GUCY2C: variants seen among roughly 807,000 people sequenced by gnomAD.
The protein encoded by GUCY2C is guanylate cyclase 2C, also known as guanylyl cyclase C.
GUCY2C carries 118 observed loss-of-function variants against 131.1 expected under a neutral mutation model. That is an observed-to-expected ratio of 0.90 (90% CI 0.78 to 1.05). GUCY2C has a LOEUF of 1.05. Ranked by LOEUF, GUCY2C falls within the 50% of genes least tolerant of loss-of-function variation. The pLI is 0.00. For synonymous variants in GUCY2C, 452 were observed against 457.8 expected, an observed-to-expected ratio of 0.99 and a Z score of 0.16; for missense variants, 1,161 against 1,304.4, an observed-to-expected ratio of 0.89 and a Z score of 1.69.
rs765596721 is a variant in GUCY2C, at chr12:14,639,846, G to T, written c.2157+16C>A. The T allele has an allele frequency of 1.4e-6, 2 of 1,431,782 alleles. No homozygotes were observed. Among genetic ancestry groups the T allele is most frequent in the Non-Finnish European group, 2.0e-6 (2 of 1,013,714 alleles). The allele number at this position is 1,431,782 out of a possible 1,614,324, so 88.7% of individuals were successfully genotyped here. A position where few individuals can be genotyped will look rare whatever the true frequency, so the allele number is the denominator to read the frequency against. ...TATAGCAGGCCAAGGAAATGAATAC[G>T]GGAAGATATACTCACTTCTAGCTCT... On this transcript the variant is annotated intron_variant, in intron 19 of 26. Coordinates refer to ENST00000261170, the MANE Select transcript of GUCY2C (RefSeq NM_004963.4).
At chr12:14,645,371 G>A in intron 15 of GUCY2C, 56 bp from the exon 16 acceptor site, 2 of 835,396 alleles carry the variant, frequency 2.4e-6, no homozygotes, top group Non-Finnish European at 4.1e-6. Flanking sequence ...ATATTGTGGA[G>A]AGACTATTAT....
chr12:14,626,075 C>T (rs1592082862), intron 20 of GUCY2C, among the ~76,000 whole-genome samples, 160 bp from the exon 21 acceptor site: 1 of 152,228 alleles, frequency 6.6e-6, no homozygotes, highest in Non-Finnish European at 1.5e-5. Flanking sequence ...CACAGTGGCT[C>T]ATGCCTGTAA....
intron 9 of GUCY2C, among the ~76,000 whole-genome samples, chr12:14,671,363 C>T (rs1217218223): frequency 6.6e-6 from 1 of 152,140 alleles, no homozygotes; most frequent in Non-Finnish European, 1.5e-5. Context: ...GTCTCAAACT[C>T]TTGACCTCAA....
chr12:14,687,579 C>G (rs935230619), intron 2 of GUCY2C, among the ~76,000 whole-genome samples: 1 of 152,132 alleles, frequency 6.6e-6, no homozygotes, highest in East Asian at 1.9e-4. Flanking sequence ...ATGATTATGC[C>G]ACTGCACTCC....
Position 14,641,159 on chromosome 12 carries a change from T to G in GUCY2C, c.1991A>C (p.Tyr664Ser). ...CTCCTGTGCGATGATCCCATAGCTG[T>G]ACACATCTCCTTTCTGAGAGATGTT... ...QANISQKGDV[Y>S]SYGIIAQEII... The change falls in exon 18 of 27, where the codon TAC becomes TCC. Residue 664 changes from tyrosine (Y) to serine (S), a missense_variant. Transcript: ENST00000261170. 1 of 1,613,286 alleles carries G rather than the reference T, an allele frequency of 6.2e-7. No homozygotes were observed. The highest frequency in any genetic ancestry group is 1.3e-5 in the African/African-American group (1 of 75,012).
chr12:14,645,926 C>T (rs1274973005), intron 15 of GUCY2C, among the ~76,000 whole-genome samples: 7 of 151,844 alleles, frequency 4.6e-5, no homozygotes, highest in African/African-American at 9.7e-5. Context: ...ACCTGTGCCT[C>T]CGGGGTTCCA....
At chr12:14,674,806 T>C in intron 7 of GUCY2C, 46 bp from the exon 8 acceptor site, 4 of 1,469,518 alleles carry the variant, frequency 2.7e-6, no homozygotes, top group Non-Finnish European at 3.7e-6. Context: ...CAAAAAAGAA[T>C]CTTGTCTTGA....
chr12:14,663,534 T>C (rs1296834726), intron 10 of GUCY2C, among the ~76,000 whole-genome samples: 1 of 152,186 alleles, frequency 6.6e-6, no homozygotes, highest in African/African-American at 2.4e-5. Flanking sequence ...CAGCCCACCT[T>C]GGTCTCCCAA....
chr12:14,630,333 A>C (rs1425544430), intron 19 of GUCY2C, among the ~76,000 whole-genome samples: 1 of 152,108 alleles, frequency 6.6e-6, no homozygotes, highest in African/African-American at 2.4e-5. Flanking sequence ...ACCTTAGAGC[A>C]GAATAGGCAG....
At chr12:14,686,029 C>T in intron 3 of GUCY2C, 132 bp downstream of exon 3, 3 of 611,814 alleles carry the variant, frequency 4.9e-6, no homozygotes, top group Non-Finnish European at 8.8e-6. Context: ...AAGAGAATGA[C>T]AGTTATGGGG....
intron 17 of GUCY2C, among the ~76,000 whole-genome samples, chr12:14,641,810 G>A (rs1257039845): frequency 6.6e-5 from 10 of 151,794 alleles, no homozygotes; most frequent in East Asian, 1.9e-4. Context: ...GGTGGTGGGT[G>A]CCTGTAGTCC....
intron 21 of GUCY2C, among the ~76,000 whole-genome samples, chr12:14,623,663 C>G (rs1207247882): frequency 1.3e-5 from 2 of 152,170 alleles, no homozygotes; most frequent in Non-Finnish European, 2.9e-5. Context: ...ATTGTAATCC[C>G]CAATGTTAAG....
chr12:14,660,876 G>C, intron 11 of GUCY2C, 105 bp downstream of exon 11: 1 of 756,286 alleles, frequency 1.3e-6, no homozygotes, highest in Non-Finnish European at 2.4e-6. Context: ...CAGTCTGCAG[G>C]CTTCTTTGTG....
rs1946886029 is a variant in GUCY2C, at chr12:14,621,062, A to T, written c.2756T>A (p.Ile919Asn). Residue 919 changes from isoleucine (I) to asparagine (N), a missense_variant, in exon 23 of 27, where the codon ATT becomes AAT. Coordinates refer to ENST00000261170, the MANE Select transcript of GUCY2C (RefSeq NM_004963.4). ...LEHLPGLPIW[I>N]RIGVHSGPCA... Reference sequence around the variant, plus strand: ...CATACCAGAGTGAACTCCAATGCGAATCCATATTGGGAGGCCAGGAAGATG... The same window carrying T: ...CATACCAGAGTGAACTCCAATGCGATTCCATATTGGGAGGCCAGGAAGATG... The T allele has an allele frequency of 6.2e-7, 1 of 1,613,900 alleles. No homozygotes were observed. The highest frequency in any genetic ancestry group is 1.1e-5 in the South Asian group (1 of 91,070).
intron 15 of GUCY2C, among the ~76,000 whole-genome samples, chr12:14,647,947 C>CTTATTTATTTAT (rs148784736): frequency 6.8e-4 from 101 of 148,712 alleles, no homozygotes; most frequent in African/African-American, 1.8e-3. Flanking sequence ...CATCTTTTTA[C>CTTATTTATTTAT]TTATTTATTT....
At chr12:14,662,675 C>CAAAAAAAA (rs35153087) in intron 10 of GUCY2C, among the ~76,000 whole-genome samples, 2 of 72,098 alleles carry the variant, frequency 2.8e-5, no homozygotes, top group Non-Finnish European at 6.5e-5. Context: ...GACTCCGTCT[C>CAAAAAAAA]AAAAAAAAAA....
intron 24 of GUCY2C, among the ~76,000 whole-genome samples, chr12:14,618,862 G>C (rs1946833174): frequency 6.6e-6 from 1 of 152,030 alleles, no homozygotes; most frequent in Non-Finnish European, 1.5e-5. Flanking sequence ...GAACCAGAGT[G>C]TGTAGTTCTT....
chr12:14,686,425 A>G (rs572456085), intron 2 of GUCY2C, among the ~76,000 whole-genome samples, 200 bp from the exon 3 acceptor site: 1 of 152,270 alleles, frequency 6.6e-6, no homozygotes, highest in South Asian at 2.1e-4. Context: ...AAAACACACT[A>G]CAGGGAGGAA....
At chr12:14,621,307 G>A in intron 22 of GUCY2C, 91 bp from the exon 23 acceptor site, 1 of 1,162,892 alleles carries the variant, frequency 8.6e-7, no homozygotes, top group Non-Finnish European at 1.3e-6. Context: ...AACACAAAAA[G>A]TGATTTGGGA....
Sources: gnomAD v4.1 joint callset for allele counts (sites outside exome capture counted in the v4.1 genomes callset) on GRCh38, gnomAD v4.1.1 for gene constraint, MANE v1.5 for transcripts, NCBI Gene and HGNC (gene_info 2026-07-23, HGNC 2026-07-21) for gene names.